CHCHD3: variants seen among roughly 807,000 people sequenced by gnomAD.
CHCHD3 encodes coiled-coil-helix-coiled-coil-helix domain containing 3.
Under a neutral mutation model 38.2 loss-of-function variants are expected in CHCHD3, and 20 were observed. The ratio of observed to expected loss-of-function variants is 0.52; its 90% CI spans 0.37 to 0.76. The LOEUF (loss-of-function observed/expected upper bound fraction) is 0.76, where lower values mean the gene tolerates loss of function less well. Among genes scored for constraint, CHCHD3 ranks in the 30% least tolerant of loss-of-function variants. CHCHD3 has a pLI of 0.00. For missense variants in CHCHD3, 245 were observed against 279.2 expected, an observed-to-expected ratio of 0.88 and a Z score of 0.87; for synonymous variants, 82 against 100.0, an observed-to-expected ratio of 0.82 and a Z score of 1.07.
chr7:133,007,576 G>A (rs915876591), intron 3 of CHCHD3, among the ~76,000 whole-genome samples: 6 of 152,064 alleles, frequency 3.9e-5, no homozygotes, highest in African/African-American at 9.7e-5. Flanking sequence ...TCATCACTAC[G>A]GCTGCTCACT....
chr7:132,880,660 C>T (rs1585599411), intron 5 of CHCHD3, among the ~76,000 whole-genome samples: 1 of 151,774 alleles, frequency 6.6e-6, no homozygotes, highest in South Asian at 2.1e-4. Context: ...ATAGAAAATA[C>T]AGAAATATGA....
chr7:132,972,231 C>T (rs80284594), intron 4 of CHCHD3, among the ~76,000 whole-genome samples: 1 of 152,098 alleles, frequency 6.6e-6, no homozygotes, highest in Non-Finnish European at 1.5e-5. Flanking sequence ...CAGTGAAACA[C>T]AACCATTAAA....
At chr7:133,073,374 T>C (rs1334293914) in intron 1 of CHCHD3, among the ~76,000 whole-genome samples, 1 of 152,152 alleles carries the variant, frequency 6.6e-6, no homozygotes, top group East Asian at 1.9e-4. Flanking sequence ...AACTAATAAA[T>C]TCCATTAATA....
chr7:133,020,767 AG>A (rs1813156478), intron 3 of CHCHD3, among the ~76,000 whole-genome samples: 1 of 152,188 alleles, frequency 6.6e-6, no homozygotes, highest in Non-Finnish European at 1.5e-5. Context: ...TGTGTCACCG[AG>A]GTTTTGACGG....
At chr7:132,892,852 T>G (rs1809399372) in intron 4 of CHCHD3, among the ~76,000 whole-genome samples, 1 of 152,224 alleles carries the variant, frequency 6.6e-6, no homozygotes, top group African/African-American at 2.4e-5. Context: ...AAGTCAAGAA[T>G]TGAGGTTTGC....
chr7:132,889,288 T>C (rs1228527418), intron 4 of CHCHD3, among the ~76,000 whole-genome samples: 1 of 152,074 alleles, frequency 6.6e-6, no homozygotes, highest in Non-Finnish European at 1.5e-5. Flanking sequence ...AAAACACTCA[T>C]ACTAGGTAAT....
intron 4 of CHCHD3, among the ~76,000 whole-genome samples, chr7:132,948,522 T>C (rs542677042): frequency 8.5e-5 from 13 of 152,258 alleles, no homozygotes; most frequent in African/African-American, 2.9e-4. Flanking sequence ...TTTTGGTTTA[T>C]TTTTAAACAA....
chr7:132,917,858 C>CAAA (rs33977058), intron 4 of CHCHD3, among the ~76,000 whole-genome samples: 22,407 of 92,542 alleles, frequency 0.24, 3,574 homozygotes, highest in Admixed American at 0.35. Context: ...GACTCCATCT[C>CAAA]AAAAAAAAAA....
rs1252620774 is a variant in CHCHD3, at chr7:132,788,272, T to C, written c.661-2612A>G. Among the ~76,000 whole-genome samples the C allele has an allele frequency of 6.6e-6, 1 of 152,196 alleles. No homozygotes were observed. The highest frequency in any genetic ancestry group is 1.5e-5 in the Non-Finnish European group (1 of 68,044). On this transcript the variant is annotated intron_variant, in intron 7 of 7. Coordinates refer to ENST00000262570, the MANE Select transcript of CHCHD3 (RefSeq NM_017812.4). This position sits in a 1 kb window ranked among gnomAD's most constrained non-coding sequence, Gnocchi z 4.0. ...CAGTTACTAGAGAAAGTGATCTCTTTATAAATGATGCCACTTAGCCATTTG... is the reference window on the plus strand; with the variant it reads ...CAGTTACTAGAGAAAGTGATCTCTTCATAAATGATGCCACTTAGCCATTTG...
intron 3 of CHCHD3, among the ~76,000 whole-genome samples, chr7:132,984,162 G>A (rs1192090963): frequency 6.6e-6 from 1 of 151,618 alleles, no homozygotes; most frequent in African/African-American, 2.4e-5. Flanking sequence ...CAACCTCCCT[G>A]CCTGATTCTC....
rs554133614 is a variant in CHCHD3, at chr7:133,040,021, G to A, written c.170-15394C>T. 7.9e-5 allele frequency among the ~76,000 whole-genome samples: 12 copies of A among 152,302 alleles called. No individual in the cohort carries two copies. The East Asian group carries it at 2.3e-3, about 29-fold the overall frequency. ...ATAAAATTTTAACTTTTTGAGCCAT[G>A]TAACTTAGGGTCTCCATTAGAACAG... On this transcript the variant is annotated intron_variant, in intron 2 of 7. Coordinates refer to ENST00000262570, the MANE Select transcript of CHCHD3 (RefSeq NM_017812.4).
chr7:132,860,302 T>TAGATAG (rs1554377184), intron 5 of CHCHD3, among the ~76,000 whole-genome samples: 3 of 116,496 alleles, frequency 2.6e-5, no homozygotes, highest in South Asian at 2.7e-4. Flanking sequence ...GATAGATAGA[T>TAGATAG]AGAGAGAGAG....
intron 3 of CHCHD3, among the ~76,000 whole-genome samples, chr7:132,989,540 A>G (rs192252044): frequency 3.9e-5 from 6 of 152,308 alleles, no homozygotes; most frequent in Admixed American, 1.3e-4. Flanking sequence ...CTTTATACCT[A>G]AAGTCCCTAT....
Position 133,035,548 on chromosome 7 carries a change from T to G in CHCHD3, c.170-10921A>C. On this transcript the variant is annotated intron_variant, in intron 2 of 7. Transcript: ENST00000262570. The surrounding 1 kb of genome is among the most constrained non-coding windows in gnomAD (Gnocchi z 4.7). ...TCCTTTGCATTCTCAGTGGCCTGTT[T>G]GTTGTGGTGCATGATGCCCAAGGTG... 2 of 1,613,520 alleles carry G rather than the reference T, an allele frequency of 1.2e-6. No homozygotes were observed. The highest frequency in any genetic ancestry group is 1.7e-6 in the Non-Finnish European group (2 of 1,179,488).
rs181482943 is a variant in CHCHD3 at position 132,905,228 on chromosome 7, C to G, written c.370-19483G>C. Among the ~76,000 whole-genome samples the G allele has an allele frequency of 3.0e-3, 457 of 151,860 alleles. 1 individual carries two copies. The highest frequency in any genetic ancestry group is 0.011 in the African/African-American group (438 of 41,380). On this transcript the variant is annotated intron_variant, in intron 4 of 7. Transcript: ENST00000262570. ...AAACCTGCACGTTGTGTACATGTAC[C>G]CTAGAACTTAAAGTATAATAATACT...
At chr7:132,887,276 A>G (rs769387960) in intron 4 of CHCHD3, among the ~76,000 whole-genome samples, 15 of 151,890 alleles carry the variant, frequency 9.9e-5, no homozygotes, top group Admixed American at 3.9e-4. Flanking sequence ...ATTCATATAC[A>G]AGTATATAAT....
chr7:132,951,729 G>T (rs1197495675), intron 4 of CHCHD3, among the ~76,000 whole-genome samples: 1 of 152,172 alleles, frequency 6.6e-6, no homozygotes, highest in Non-Finnish European at 1.5e-5. Flanking sequence ...TATAGAATTT[G>T]CAGTTTTACA....
intron 4 of CHCHD3, among the ~76,000 whole-genome samples, chr7:132,899,677 C>G (rs1809615996): frequency 6.6e-6 from 1 of 152,144 alleles, no homozygotes; most frequent in South Asian, 2.1e-4. Flanking sequence ...TAAGTTCTAT[C>G]AAGTAGAAAA....
chr7:132,826,075 C>T (rs1563247095), intron 6 of CHCHD3, among the ~76,000 whole-genome samples: 1 of 152,330 alleles, frequency 6.6e-6, no homozygotes, highest in African/African-American at 2.4e-5. Context: ...GCATCTCTCA[C>T]ATAGTCAGCT....
Sources: gnomAD v4.1 joint callset for allele counts (sites outside exome capture counted in the v4.1 genomes callset) on GRCh38, gnomAD v4.1.1 for gene constraint, Gnocchi (gnomAD v3.1) non-coding constraint, MANE v1.5 for transcripts, NCBI Gene and HGNC (gene_info 2026-07-23, HGNC 2026-07-21) for gene names.